Variants in RETREG1 observed in about 807,000 individuals in gnomAD.
RETREG1 encodes the protein reticulophagy regulator 1, also known as family with sequence similarity 134 member B.
RETREG1 carries 44 observed loss-of-function variants against 54.8 expected under a neutral mutation model. That is an observed-to-expected ratio of 0.80 (90% CI 0.63 to 1.03). The LOEUF (loss-of-function observed/expected upper bound fraction) is 1.03. RETREG1 is among the 50% of genes least tolerant of loss of function. The probability of loss-of-function intolerance (pLI) is 0.00; values close to 1 mark genes in which losing one functional copy is unlikely to be tolerated. For missense variants in RETREG1, 554 were observed against 605.1 expected, an observed-to-expected ratio of 0.92 and a Z score of 0.89; for synonymous variants, 217 against 238.5, an observed-to-expected ratio of 0.91 and a Z score of 0.83.
intron 1 of RETREG1, among the ~76,000 whole-genome samples, chr5:16,601,424 T>C (rs1159514836): frequency 1.4e-5 from 2 of 147,802 alleles, no homozygotes; most frequent in Admixed American, 1.4e-4. Flanking sequence ...TGAGATGGAG[T>C]CTTGCTGTGT....
intron 3 of RETREG1, among the ~76,000 whole-genome samples, chr5:16,557,307 T>A (rs534179986): frequency 6.6e-6 from 1 of 152,228 alleles, no homozygotes; most frequent in South Asian, 2.1e-4. Context: ...TTAAAACTCA[T>A]AATTTTTTAT....
intron 3 of RETREG1, among the ~76,000 whole-genome samples, chr5:16,536,382 C>A (rs1417906687): frequency 1.3e-5 from 2 of 152,066 alleles, no homozygotes; most frequent in Admixed American, 1.3e-4. Context: ...GATAAAAACC[C>A]AAACTTTACG....
intron 1 of RETREG1, among the ~76,000 whole-genome samples, chr5:16,579,584 G>A (rs185133605): frequency 2.2e-4 from 34 of 152,230 alleles, no homozygotes; most frequent in Admixed American, 1.4e-3. Context: ...TTTTCTGGCC[G>A]TAAAAGTCCC....
chr5:16,601,719 T>C (rs1337193659), intron 1 of RETREG1, among the ~76,000 whole-genome samples: 5 of 152,168 alleles, frequency 3.3e-5, no homozygotes, highest in African/African-American at 4.8e-5. Flanking sequence ...TAAAAGACTT[T>C]AAGAAAATTT....
intron 3 of RETREG1, among the ~76,000 whole-genome samples, chr5:16,541,414 G>A (rs547018701): frequency 6.6e-6 from 1 of 152,312 alleles, no homozygotes; most frequent in Admixed American, 6.5e-5. Context: ...TAGAAGATAG[G>A]TGCGGTGGCT....
intron 3 of RETREG1, among the ~76,000 whole-genome samples, chr5:16,507,685 A>G (rs886565525): frequency 6.6e-6 from 1 of 152,184 alleles, no homozygotes; most frequent in African/African-American, 2.4e-5. Context: ...ATTACCACAC[A>G]CACAAACATG....
At chr5:16,576,815 C>T (rs1396206814) in intron 1 of RETREG1, among the ~76,000 whole-genome samples, 1 of 151,918 alleles carries the variant, frequency 6.6e-6, no homozygotes, top group African/African-American at 2.4e-5. Context: ...TGGGGTTTCA[C>T]CATGTTGGCC....
chr5:16,479,003 G>A lies in RETREG1; in HGVS notation c.671-16C>T. 3.1e-6 allele frequency: 5 copies of A among 1,610,626 alleles called. No homozygotes were observed. The highest frequency in any genetic ancestry group is 4.2e-6 in the Non-Finnish European group (5 of 1,178,088). ...GCACACAGTACTGAAAGAAGAAAGA[G>A]AGCAGAGGTAAAATGCCTTTCCTTT... On this transcript the variant is annotated splice_polypyrimidine_tract_variant and intron_variant, in intron 5 of 8. Coordinates refer to ENST00000306320, the MANE Select transcript of RETREG1 (RefSeq NM_001034850.3).
chr5:16,574,695 G>C (rs895438585), intron 1 of RETREG1, among the ~76,000 whole-genome samples: 3 of 152,138 alleles, frequency 2.0e-5, no homozygotes, highest in Non-Finnish European at 4.4e-5. Flanking sequence ...CAGGCCCCAG[G>C]CTCCTCCTCC....
At chr5:16,578,976 T>G (rs1742412677) in intron 1 of RETREG1, among the ~76,000 whole-genome samples, 1 of 152,144 alleles carries the variant, frequency 6.6e-6, no homozygotes, top group African/African-American at 2.4e-5. Flanking sequence ...AAACTTTGAC[T>G]TCGAAAGACA....
intron 3 of RETREG1, among the ~76,000 whole-genome samples, chr5:16,487,773 G>A (rs1472552755): frequency 6.6e-6 from 1 of 152,198 alleles, no homozygotes. Context: ...GAAACTCTAA[G>A]GGAATAAAAC....
intron 3 of RETREG1, among the ~76,000 whole-genome samples, chr5:16,545,866 C>T (rs1477119799): frequency 6.6e-6 from 1 of 152,192 alleles, no homozygotes; most frequent in Non-Finnish European, 1.5e-5. Flanking sequence ...TCAGAGCCAC[C>T]GTTCCATGTG....
intron 3 of RETREG1, among the ~76,000 whole-genome samples, chr5:16,554,526 A>G (rs983463077): frequency 4.6e-5 from 7 of 152,224 alleles, no homozygotes; most frequent in Non-Finnish European, 8.8e-5. Context: ...TTGATAAAAG[A>G]ATGTTCATTA....
chr5:16,502,729 A>G (rs1403139348), intron 3 of RETREG1, among the ~76,000 whole-genome samples: 2 of 152,212 alleles, frequency 1.3e-5, no homozygotes, highest in East Asian at 3.8e-4. Context: ...AACAGCTATA[A>G]CATCCTTTAG....
At chr5:16,532,954 A>G (rs1740955786) in intron 3 of RETREG1, among the ~76,000 whole-genome samples, 1 of 152,264 alleles carries the variant, frequency 6.6e-6, no homozygotes, top group African/African-American at 2.4e-5. Context: ...GATCTGAAGA[A>G]AACCCTAGGT....
At chr5:16,527,569 TA>T (rs1242799363) in intron 3 of RETREG1, among the ~76,000 whole-genome samples, 16 of 152,174 alleles carry the variant, frequency 1.1e-4, no homozygotes, top group African/African-American at 3.9e-4. Flanking sequence ...ATAGAATTGA[TA>T]AAAATCATAA....
At chr5:16,509,785 C>A (rs1188894176) in intron 3 of RETREG1, among the ~76,000 whole-genome samples, 1 of 152,042 alleles carries the variant, frequency 6.6e-6, no homozygotes, top group Non-Finnish European at 1.5e-5. Flanking sequence ...TCATTTGAGC[C>A]CAGGAGTTCA....
At chr5:16,484,727 T>C (rs531339773) in intron 3 of RETREG1, among the ~76,000 whole-genome samples, 1 of 152,234 alleles carries the variant, frequency 6.6e-6, no homozygotes, top group South Asian at 2.1e-4. Context: ...TTTAAATGAG[T>C]GCAATAGCAT....
At position 16,474,684 on chromosome 5, in the gene RETREG1, T is replaced by TTTCTTTTTTTAAATTTTTTTGG; in HGVS notation, c.*56_*57insCCAAAAAAATTTAAAAAAAGAA. 6.4e-7 allele frequency: 1 copy of TTTCTTTTTTTAAATTTTTTTGG among 1,560,746 alleles called. No individual in the cohort carries two copies. Among genetic ancestry groups the TTTCTTTTTTTAAATTTTTTTGG allele is most frequent in the Non-Finnish European group, 8.6e-7 (1 of 1,161,410 alleles). Reference sequence around the variant, plus strand: ...TTTTCTTTTCCTTTTTTTTTTTTTTTTCTTGTTTGAAATTTTTTTGGTGTT... The same window carrying TTTCTTTTTTTAAATTTTTTTGG: ...TTTTCTTTTCCTTTTTTTTTTTTTTTTTCTTTTTTTAAATTTTTTTGGTCTTGTTTGAAATTTTTTTGGTGTT... On this transcript the variant is annotated 3_prime_UTR_variant, in exon 9 of 9. Coordinates refer to ENST00000306320, the MANE Select transcript of RETREG1 (RefSeq NM_001034850.3).
Sources: allele counts gnomAD v4.1 joint callset (sites outside exome capture counted in the v4.1 genomes callset), GRCh38; gene constraint gnomAD v4.1.1; transcripts MANE v1.5; gene names NCBI Gene and HGNC (gene_info 2026-07-23, HGNC 2026-07-21).